PLEKHG7: variants seen among roughly 807,000 people sequenced by gnomAD.
PLEKHG7 encodes the protein pleckstrin homology and RhoGEF domain containing G7.
PLEKHG7 carries 77 observed loss-of-function variants against 85.2 expected under a neutral mutation model. The observed-to-expected ratio is 0.90, with a 90% confidence interval of 0.75 to 1.09. PLEKHG7 has a LOEUF of 1.09. PLEKHG7 is among the 50% of genes least tolerant of loss of function. The pLI is 0.00. For missense variants in PLEKHG7, 777 were observed against 804.3 expected, an observed-to-expected ratio of 0.97 and a Z score of 0.41; for synonymous variants, 301 against 302.4, an observed-to-expected ratio of 1.00 and a Z score of 0.05.
At chr12:92,759,186 A>C (rs1872917904) in intron 13 of PLEKHG7, among the ~76,000 whole-genome samples, 1 of 152,356 alleles carries the variant, frequency 6.6e-6, no homozygotes, top group Admixed American at 6.5e-5. Context: ...TTGTTTCATA[A>C]CTTACTTGGT....
chr12:92,706,365 T>A, intron 1 of PLEKHG7, 106 bp from the exon 2 acceptor site: 1 of 397,654 alleles, frequency 2.5e-6, no homozygotes, highest in Non-Finnish European at 4.5e-6. Context: ...TGAGCTCTAT[T>A]GCCTATGAAG....
At chr12:92,738,725 C>G (rs762705333) in intron 7 of PLEKHG7, among the ~76,000 whole-genome samples, 1 of 152,196 alleles carries the variant, frequency 6.6e-6, no homozygotes, top group Non-Finnish European at 1.5e-5. Flanking sequence ...AATGACAATA[C>G]CATCCCTGGC....
At chr12:92,744,323 T>C (rs1225525500) in intron 9 of PLEKHG7, among the ~76,000 whole-genome samples, 1 of 152,180 alleles carries the variant, frequency 6.6e-6, no homozygotes, top group African/African-American at 2.4e-5. Context: ...CACTATGGAA[T>C]CCTGAAGAGA....
chr12:92,747,567 A>T (rs1333171056), intron 10 of PLEKHG7, among the ~76,000 whole-genome samples: 1 of 152,236 alleles, frequency 6.6e-6, no homozygotes, highest in Non-Finnish European at 1.5e-5. Context: ...GTGTTTAGCC[A>T]AAAGAAATAA....
At chr12:92,763,537 G>A (rs1001233596) in intron 14 of PLEKHG7, among the ~76,000 whole-genome samples, 1 of 152,122 alleles carries the variant, frequency 6.6e-6, no homozygotes, top group South Asian at 2.1e-4. Context: ...CTTTGCTGCT[G>A]GACATGGTAG....
At chr12:92,718,102 C>T (rs1307421335) in intron 3 of PLEKHG7, among the ~76,000 whole-genome samples, 1 of 152,162 alleles carries the variant, frequency 6.6e-6, no homozygotes, top group Non-Finnish European at 1.5e-5. Context: ...TTATTTAAAA[C>T]CCCTTATGTC....
At chr12:92,706,411 T>C (rs1871228597) in intron 1 of PLEKHG7, 60 bp from the exon 2 acceptor site, 5 of 505,350 alleles carry the variant, frequency 9.9e-6, no homozygotes, top group Admixed American at 3.8e-5. Context: ...TAGACCTTTT[T>C]TCTCACTGCA....
chr12:92,740,661 C>A (rs963997024), intron 7 of PLEKHG7, among the ~76,000 whole-genome samples, 192 bp from the exon 8 acceptor site: 1 of 152,156 alleles, frequency 6.6e-6, no homozygotes, highest in Non-Finnish European at 1.5e-5. Context: ...CTGAAAAGCT[C>A]ATTTCCAATA....
At position 92,740,480 on chromosome 12, in the gene PLEKHG7, G is replaced by T. The variant is rs115769352; in HGVS notation, c.940-373G>T. 1.8e-4 allele frequency among the ~76,000 whole-genome samples: 27 copies of T among 152,284 alleles called. 2 individuals carry two copies. Among genetic ancestry groups the T allele is most frequent in the Admixed American group, 1.4e-3 (21 of 15,286 alleles). On this transcript the variant is annotated intron_variant, in intron 7 of 16. Coordinates refer to ENST00000344636, the MANE Select transcript of PLEKHG7 (RefSeq NM_001377329.1). ...ATTTGGGTCTTTTGCAGAAGAAAGAGCATATGAGAATACACCATGAATATT... is the reference window on the plus strand; with the variant it reads ...ATTTGGGTCTTTTGCAGAAGAAAGATCATATGAGAATACACCATGAATATT...
intron 10 of PLEKHG7, among the ~76,000 whole-genome samples, chr12:92,750,238 T>A (rs1565794674): frequency 1.3e-5 from 2 of 151,988 alleles, no homozygotes; most frequent in Admixed American, 1.3e-4. Flanking sequence ...TCTAGACTTA[T>A]CAATAAAAAG....
chr12:92,756,909 A>G (rs1157920614), intron 13 of PLEKHG7, among the ~76,000 whole-genome samples: 1 of 152,198 alleles, frequency 6.6e-6, no homozygotes, highest in Non-Finnish European at 1.5e-5. Context: ...AAAAGAAGAG[A>G]GTCCTTGAGG....
intron 7 of PLEKHG7, 59 bp downstream of exon 7, chr12:92,737,580 CTTG>C (rs1872196638): frequency 6.8e-6 from 10 of 1,468,084 alleles, no homozygotes; most frequent in Non-Finnish European, 9.4e-6. Context: ...TTTTTGGGCA[CTTG>C]TTTTCCTCTT....
chr12:92,711,313 G>A, intron 3 of PLEKHG7, among the ~76,000 whole-genome samples: 1 of 152,092 alleles, frequency 6.6e-6, no homozygotes, highest in East Asian at 1.9e-4. Context: ...TTGGTCATAG[G>A]GAACTCCCCA....
At chr12:92,738,694 T>C (rs1350065553) in intron 7 of PLEKHG7, among the ~76,000 whole-genome samples, 2 of 152,218 alleles carry the variant, frequency 1.3e-5, no homozygotes, top group African/African-American at 2.4e-5. Context: ...TGACAGTCCT[T>C]GTCCTAAGCT....
intron 3 of PLEKHG7, among the ~76,000 whole-genome samples, chr12:92,716,190 G>A (rs944566196): frequency 6.6e-6 from 1 of 152,026 alleles, no homozygotes; most frequent in African/African-American, 2.4e-5. Context: ...TCTGCCTCCT[G>A]GGTTCAAGTG....
At chr12:92,742,889 A>T (rs1229825086) in intron 9 of PLEKHG7, among the ~76,000 whole-genome samples, 2 of 152,130 alleles carry the variant, frequency 1.3e-5, no homozygotes, top group Admixed American at 1.3e-4. Context: ...ATTCTGGAGA[A>T]ATGTCAGCTT....
chr12:92,753,655 C>G (rs928587446), intron 10 of PLEKHG7, among the ~76,000 whole-genome samples: 2 of 152,160 alleles, frequency 1.3e-5, no homozygotes, highest in African/African-American at 4.8e-5. Flanking sequence ...GATCATTACC[C>G]TGATCCTCCC....
intron 15 of PLEKHG7, among the ~76,000 whole-genome samples, chr12:92,766,283 A>G (rs1320095039): frequency 1.3e-5 from 2 of 152,186 alleles, no homozygotes; most frequent in African/African-American, 4.8e-5. Flanking sequence ...TTCTCCTACT[A>G]CAGTGGCTAT....
rs1873405588 is a variant in PLEKHG7 at position 92,770,955 on chromosome 12, A to G, written c.*760A>G. On this transcript the variant is annotated 3_prime_UTR_variant, in exon 17 of 17. Coordinates refer to ENST00000344636, the MANE Select transcript of PLEKHG7 (RefSeq NM_001377329.1). ...TGTCTCTTAACTTTATTTTTTGAAG[A>G]ATGATGGTGTTTGCCATAAAAATAC... The G allele has an allele frequency of 6.6e-6, 1 of 151,736 alleles. No homozygotes were observed. Among genetic ancestry groups the G allele is most frequent in the Non-Finnish European group, 1.5e-5 (1 of 67,934 alleles). 9.4% of individuals were successfully genotyped at this position (151,736 alleles called of 1,614,324 possible).
Sources: gnomAD v4.1 joint callset for allele counts (sites outside exome capture counted in the v4.1 genomes callset) on GRCh38, gnomAD v4.1.1 for gene constraint, MANE v1.5 for transcripts, NCBI Gene and HGNC (gene_info 2026-07-23, HGNC 2026-07-21) for gene names.